FER: variants seen among roughly 807,000 people sequenced by gnomAD.
The protein encoded by FER is FER tyrosine kinase, also known as tyrosine-protein kinase Fer.
FER carries 63 observed loss-of-function variants against 111.0 expected under a neutral mutation model. The observed-to-expected ratio is 0.57, with a 90% CI of 0.46 to 0.70. The LOEUF (loss-of-function observed/expected upper bound fraction) is 0.70, where lower values mean the gene tolerates loss of function less well. Ranked by LOEUF, FER falls within the 30% of genes least tolerant of loss-of-function variation. The pLI is 0.00. For missense variants in FER, 914 were observed against 954.0 expected, an observed-to-expected ratio of 0.96 and a Z score of 0.55; for synonymous variants, 327 against 313.9, an observed-to-expected ratio of 1.04 and a Z score of -0.44.
chr5:109,188,531 A>G lies in FER; in HGVS notation c.*956A>G, dbSNP rs766900166. 1 of 152,152 alleles carries G rather than the reference A, an allele frequency of 6.6e-6. No homozygotes were observed. The highest frequency in any genetic ancestry group is 2.4e-5 in the African/African-American group (1 of 41,446). 9.4% of individuals were successfully genotyped at this position (152,152 alleles called of 1,614,324 possible). A position where few individuals can be genotyped will look rare whatever the true frequency, so the allele number is the denominator to read the frequency against. ...GGGTGGGCTGGAGAACAGAGCAGCTAAAGAATGATTAACAGAGTAAAGAAG... is the reference window on the plus strand; with the variant it reads ...GGGTGGGCTGGAGAACAGAGCAGCTGAAGAATGATTAACAGAGTAAAGAAG... On this transcript the variant is annotated 3_prime_UTR_variant, in exon 20 of 20. Transcript: ENST00000281092.
Position 108,883,410 on chromosome 5 carries a change from CG to C in FER, c.940del (p.Glu314LysfsTer11), listed in dbSNP as rs1561558637. The C allele has an allele frequency of 6.2e-7, 1 of 1,604,166 alleles. No homozygotes were observed. The highest frequency in any genetic ancestry group is 8.5e-7 in the Non-Finnish European group (1 of 1,174,658). On this transcript the variant is annotated frameshift_variant, in exon 9 of 20. Coordinates refer to ENST00000281092, the MANE Select transcript of FER (RefSeq NM_005246.4). LOFTEE classifies it high-confidence loss of function. ...ESLQVMLKTL[A>X]EELMQTQQML... ...GTTTATTCTAGGTTGAAAACGTTAGCGGAAGAACTTATGCAAACACAGCAGA... is the reference window on the plus strand; with the variant it reads ...GTTTATTCTAGGTTGAAAACGTTAGCGAAGAACTTATGCAAACACAGCAGA...
At chr5:108,969,549 G>A (rs1209566075) in intron 13 of FER, among the ~76,000 whole-genome samples, 1 of 151,930 alleles carries the variant, frequency 6.6e-6, no homozygotes, top group African/African-American at 2.4e-5. Context: ...TTGGGGAGGT[G>A]GTTGAAATTG....
At chr5:108,771,263 A>G (rs1752870546) in intron 2 of FER, among the ~76,000 whole-genome samples, 1 of 152,172 alleles carries the variant, frequency 6.6e-6, no homozygotes, top group South Asian at 2.1e-4. Flanking sequence ...ATGTTTTCTC[A>G]AAAAAGTTAG....
At chr5:108,766,787 T>A (rs1206812217) in intron 1 of FER, among the ~76,000 whole-genome samples, 1 of 151,940 alleles carries the variant, frequency 6.6e-6, no homozygotes, top group Non-Finnish European at 1.5e-5. Context: ...AAAGAAGAAC[T>A]TGGAAGAAGG....
chr5:109,159,979 G>A (rs1371563019), intron 17 of FER, among the ~76,000 whole-genome samples: 2 of 152,108 alleles, frequency 1.3e-5, no homozygotes, highest in Non-Finnish European at 2.9e-5. Flanking sequence ...ACATTTGGTG[G>A]GGGTGGGGAT....
At chr5:109,049,856 T>G (rs573578235) in intron 16 of FER, among the ~76,000 whole-genome samples, 1 of 152,224 alleles carries the variant, frequency 6.6e-6, no homozygotes, top group Non-Finnish European at 1.5e-5. Context: ...TCAAATAAAT[T>G]AGTTATATGT....
intron 10 of FER, among the ~76,000 whole-genome samples, chr5:108,903,309 G>A (rs530697948): frequency 6.6e-6 from 1 of 152,288 alleles, no homozygotes; most frequent in East Asian, 1.9e-4. Context: ...TAATTGAGCA[G>A]CAGTATCAGT....
chr5:109,163,440 T>G (rs1233593941), intron 17 of FER, among the ~76,000 whole-genome samples: 1 of 152,112 alleles, frequency 6.6e-6, no homozygotes, highest in Non-Finnish European at 1.5e-5. Context: ...AAAATTACAT[T>G]TAGCTTTATA....
chr5:108,858,938 G>T (rs915803644), intron 5 of FER, among the ~76,000 whole-genome samples: 25 of 151,930 alleles, frequency 1.6e-4, no homozygotes, highest in African/African-American at 5.1e-4. Context: ...ATAACCTTAT[G>T]TATGTGTTTT....
chr5:109,021,396 G>T (rs190014417), intron 13 of FER, among the ~76,000 whole-genome samples: 1 of 151,914 alleles, frequency 6.6e-6, no homozygotes, highest in African/African-American at 2.4e-5. Flanking sequence ...TAATATAAGG[G>T]TATACTTAAC....
Position 108,967,759 on chromosome 5 carries a change from C to CAAAAAAAA in FER, c.1656+8429_1656+8436dup, listed in dbSNP as rs774855414. 8.7e-4 allele frequency among the ~76,000 whole-genome samples: 30 copies of CAAAAAAAA among 34,450 alleles called. 5 individuals carry two copies. Among genetic ancestry groups the CAAAAAAAA allele is most frequent in the African/African-American group, 2.9e-3 (27 of 9,366 alleles). 22.6% of individuals were successfully genotyped at this position (34,450 alleles called of 152,430 possible). ...TGGGCGACAAAGCGAGACTCCGTCTCAAAAAAAAAAAAAAAAAAAAAAAAC... is the reference window on the plus strand; with the variant it reads ...TGGGCGACAAAGCGAGACTCCGTCTCAAAAAAAAAAAAAAAAAAAAAAAAAAAAAAAAC... On this transcript the variant is annotated intron_variant, in intron 13 of 19. Coordinates refer to ENST00000281092, the MANE Select transcript of FER (RefSeq NM_005246.4).
At chr5:109,063,462 G>A (rs535703445) in intron 16 of FER, among the ~76,000 whole-genome samples, 1 of 152,266 alleles carries the variant, frequency 6.6e-6, no homozygotes, top group East Asian at 1.9e-4. Flanking sequence ...AATGTAGAAA[G>A]GATAAATTGA....
intron 18 of FER, among the ~76,000 whole-genome samples, chr5:109,183,228 T>C (rs115462698): frequency 6.7e-6 from 1 of 150,224 alleles, no homozygotes; most frequent in Non-Finnish European, 1.5e-5. Flanking sequence ...TTACTGAAGA[T>C]TGACTCTAAA....
At chr5:108,997,548 C>T (rs981905838) in intron 13 of FER, among the ~76,000 whole-genome samples, 4 of 152,042 alleles carry the variant, frequency 2.6e-5, no homozygotes, top group African/African-American at 4.8e-5. Flanking sequence ...CTGTCTCTTG[C>T]CTGATTGCCC....
intron 10 of FER, among the ~76,000 whole-genome samples, chr5:108,924,994 C>T (rs1255812902): frequency 6.6e-6 from 1 of 151,970 alleles, no homozygotes; most frequent in African/African-American, 2.4e-5. Flanking sequence ...ATGAAAGTGG[C>T]TTCTTTTCAC....
chr5:109,026,338 G>C (rs568804262), intron 13 of FER, among the ~76,000 whole-genome samples: 95 of 152,222 alleles, frequency 6.2e-4, no homozygotes, highest in African/African-American at 2.2e-3. Flanking sequence ...TATTTAGAAT[G>C]AATTTATAGA....
intron 13 of FER, among the ~76,000 whole-genome samples, chr5:108,975,301 G>A (rs779280592): frequency 4.6e-5 from 7 of 152,054 alleles, no homozygotes; most frequent in Admixed American, 6.6e-5. Flanking sequence ...GCTAATGCAC[G>A]CGGGGCTTAA....
intron 2 of FER, among the ~76,000 whole-genome samples, chr5:108,786,198 G>A (rs1312531184): frequency 6.6e-6 from 1 of 152,220 alleles, no homozygotes; most frequent in East Asian, 1.9e-4. Flanking sequence ...TCATCATAGA[G>A]TTCTGGAAAA....
At chr5:108,999,100 CATT>C (rs1408987340) in intron 13 of FER, among the ~76,000 whole-genome samples, 1 of 152,074 alleles carries the variant, frequency 6.6e-6, no homozygotes, top group African/African-American at 2.4e-5. Flanking sequence ...AGAATTGAAA[CATT>C]ATGCATAAAC....
Sources: gnomAD v4.1 joint callset for allele counts (sites outside exome capture counted in the v4.1 genomes callset) on GRCh38, gnomAD v4.1.1 for gene constraint, MANE v1.5 for transcripts, NCBI Gene and HGNC (gene_info 2026-07-23, HGNC 2026-07-21) for gene names.